Variants in FOCAD observed in about 807,000 individuals in gnomAD.
FOCAD encodes the protein focadhesin, also known as KIAA1797.
FOCAD carries 198 observed loss-of-function variants against 225.6 expected under a neutral mutation model. That is an observed-to-expected ratio of 0.88 (90% CI 0.78 to 0.99). FOCAD has a LOEUF of 0.99. Ranked by LOEUF, FOCAD falls within the 50% of genes least tolerant of loss-of-function variation. The pLI, the probability that FOCAD is intolerant of heterozygous loss-of-function variation, is 0.00. For missense variants in FOCAD, 2,713 were observed against 2,123.6 expected (o/e 1.28, Z -5.46); for synonymous variants, 897 against 755.0 (o/e 1.19, Z -3.08).
At chr9:20,918,121 T>G (rs1304567708) in intron 24 of FOCAD, among the ~76,000 whole-genome samples, 2 of 152,212 alleles carry the variant, frequency 1.3e-5, no homozygotes, top group African/African-American at 4.8e-5. Flanking sequence ...GGGATGAGAA[T>G]GCAGGCTGTC....
chr9:20,756,597 C>G (rs1328793353), intron 5 of FOCAD, among the ~76,000 whole-genome samples: 1 of 152,160 alleles, frequency 6.6e-6, no homozygotes, highest in Non-Finnish European at 1.5e-5. Flanking sequence ...TACAGCTAAT[C>G]TAACTTGCAA....
At chr9:20,716,077 T>C in intron 2 of FOCAD, 1 of 444,514 alleles carries the variant, frequency 2.2e-6, no homozygotes, top group Non-Finnish European at 5.0e-6. Flanking sequence ...CTTTCAACAA[T>C]TAACTTCGGA....
At position 20,933,072 on chromosome 9, in the gene FOCAD, A is replaced by G; in HGVS notation, c.3376A>G (p.Asn1126Asp). ...GATGAAGTCGTTGGATGCCCTGGAA[A>G]ATTGCTGCTTTGACACTAGTCTTGA... ...LLMKSLDALE[N>D]CCFDTSLEYN... Residue 1126 changes from asparagine to aspartate, a missense_variant, in exon 28 of 44, where the codon AAT becomes GAT. By Grantham distance (23) the Asn-to-Asp change is conservative. Coordinates refer to ENST00000338382, the MANE Select transcript of FOCAD (RefSeq NM_001375567.1). 1.2e-6 allele frequency: 2 copies of G among 1,614,018 alleles called. No homozygotes were observed.
intron 15 of FOCAD, among the ~76,000 whole-genome samples, chr9:20,837,794 G>A (rs1419396671): frequency 6.6e-6 from 1 of 151,956 alleles, no homozygotes; most frequent in Non-Finnish European, 1.5e-5. Flanking sequence ...GCTTAAACTC[G>A]TTTCTGTGCT....
In FOCAD at chr9:20,940,454, T is replaced by A. The variant is rs186640427; in HGVS notation, c.3408-4173T>A. The stretch of plus-strand genomic sequence containing the variant: ...CATATGCAACCATGCTTGACTAATT[T>A]TTTTATTTTTTGTAGAGACAGGGTC... On this transcript the variant is annotated intron_variant, in intron 28 of 43. Coordinates refer to ENST00000338382, the MANE Select transcript of FOCAD (RefSeq NM_001375567.1). 1.2e-3 allele frequency among the ~76,000 whole-genome samples: 177 copies of A among 152,212 alleles called. 1 individual carries two copies. Among genetic ancestry groups the A allele is most frequent in the African/African-American group, 4.1e-3 (171 of 41,530 alleles).
intron 37 of FOCAD, among the ~76,000 whole-genome samples, chr9:20,980,409 C>A (rs1197840710): frequency 6.6e-6 from 1 of 152,100 alleles, no homozygotes; most frequent in African/African-American, 2.4e-5. Flanking sequence ...TCGAAATTTT[C>A]CTAAATTTTA....
At chr9:20,857,566 A>G (rs373968153) in intron 15 of FOCAD, among the ~76,000 whole-genome samples, 4 of 151,874 alleles carry the variant, frequency 2.6e-5, no homozygotes, top group East Asian at 1.9e-4. Flanking sequence ...TTTTTTTCCT[A>G]TTGGGATGCC....
intron 2 of FOCAD, among the ~76,000 whole-genome samples, chr9:20,671,037 GA>G (rs1177612844): frequency 2.6e-5 from 4 of 151,950 alleles, no homozygotes; most frequent in Non-Finnish European, 4.4e-5. Flanking sequence ...TCTCTCCTTA[GA>G]AAGACATATT....
chr9:20,778,577 CTT>C, intron 8 of FOCAD, 102 bp from the exon 9 acceptor site: 1 of 632,144 alleles, frequency 1.6e-6, no homozygotes, highest in Non-Finnish European at 2.8e-6. Flanking sequence ...GTGTAATAGG[CTT>C]GCAGTCTTTC....
At chr9:20,957,314 C>T (rs576690026) in intron 35 of FOCAD, among the ~76,000 whole-genome samples, 11 of 152,028 alleles carry the variant, frequency 7.2e-5, no homozygotes, top group Admixed American at 5.2e-4. Context: ...CTGACTTAGC[C>T]TCTTTAATTG....
intron 35 of FOCAD, among the ~76,000 whole-genome samples, chr9:20,968,670 G>A (rs1435456835): frequency 6.6e-6 from 1 of 151,776 alleles, no homozygotes; most frequent in African/African-American, 2.4e-5. Context: ...AACTCCTGAA[G>A]TCAGGTGATC....
chr9:20,757,693 A>C (rs1829180547), intron 5 of FOCAD, among the ~76,000 whole-genome samples: 1 of 152,188 alleles, frequency 6.6e-6, no homozygotes, highest in Non-Finnish European at 1.5e-5. Flanking sequence ...GGAACTTACC[A>C]GGCTTGGAAA....
chr9:20,659,479 T>C (rs923019413), intron 2 of FOCAD, among the ~76,000 whole-genome samples: 10 of 92,814 alleles, frequency 1.1e-4, no homozygotes, highest in African/African-American at 3.4e-4. Flanking sequence ...GATTAAGATA[T>C]AAGAAGAGGA....
At chr9:20,938,222 A>G (rs1050908235) in intron 28 of FOCAD, among the ~76,000 whole-genome samples, 2 of 152,228 alleles carry the variant, frequency 1.3e-5, no homozygotes, top group African/African-American at 2.4e-5. Flanking sequence ...CAGCCATTCC[A>G]TTACTGGGTA....
At chr9:20,989,343 A>G (rs1841456795) in intron 41 of FOCAD, among the ~76,000 whole-genome samples, 2 of 152,188 alleles carry the variant, frequency 1.3e-5, no homozygotes, top group African/African-American at 4.8e-5. Context: ...CTAAGTTTTT[A>G]TTAACTTTCT....
intron 11 of FOCAD, among the ~76,000 whole-genome samples, chr9:20,793,595 T>G (rs1241353437): frequency 6.6e-6 from 1 of 152,184 alleles, no homozygotes; most frequent in African/African-American, 2.4e-5. Context: ...AAAATCCGTT[T>G]GTCTGGGTGT....
intron 7 of FOCAD, among the ~76,000 whole-genome samples, chr9:20,767,579 T>C (rs1830161362): frequency 6.6e-6 from 1 of 151,612 alleles, no homozygotes; most frequent in Non-Finnish European, 1.5e-5. Flanking sequence ...TGGCCAGTGA[T>C]AATGAGGATT....
chr9:20,983,570 C>CAA (rs371636885), intron 39 of FOCAD, among the ~76,000 whole-genome samples: 40,043 of 97,898 alleles, frequency 0.41, 6,450 homozygotes, highest in Admixed American at 0.46. Flanking sequence ...GACTCTGTCT[C>CAA]AAAAAAAAAA....
chr9:20,950,118 G>T (rs1837555669), intron 33 of FOCAD, among the ~76,000 whole-genome samples: 1 of 151,092 alleles, frequency 6.6e-6, no homozygotes, highest in Non-Finnish European at 1.5e-5. Flanking sequence ...CCTAAGAAAT[G>T]TTTTTTTGTT....
Sources: allele counts gnomAD v4.1 joint callset (sites outside exome capture counted in the v4.1 genomes callset), GRCh38; gene constraint gnomAD v4.1.1; transcripts MANE v1.5; gene names NCBI Gene and HGNC (gene_info 2026-07-23, HGNC 2026-07-21).